FKTN: variants seen among roughly 807,000 people sequenced by gnomAD.
FKTN encodes fukutin.
Under a neutral mutation model 58.6 loss-of-function variants are expected in FKTN, and 47 were observed. The ratio of observed to expected loss-of-function variants is 0.80; its 90% CI spans 0.63 to 1.02. The LOEUF (loss-of-function observed/expected upper bound fraction) is 1.02. FKTN is among the 50% of genes least tolerant of loss of function. FKTN has a pLI of 0.00. For missense variants in FKTN, 516 were observed against 537.3 expected, an observed-to-expected ratio of 0.96 and a Z score of 0.39; for synonymous variants, 178 against 191.9, an observed-to-expected ratio of 0.93 and a Z score of 0.60.
chr9:105,614,687 G>A (rs886964474), intron 7 of FKTN, among the ~76,000 whole-genome samples: 9 of 152,130 alleles, frequency 5.9e-5, no homozygotes, highest in Non-Finnish European at 1.2e-4. Context: ...AAATTGTGAT[G>A]TAAAGGAGGG....
chr9:105,581,897 A>C (rs1355209749), intron 3 of FKTN, among the ~76,000 whole-genome samples: 1 of 152,180 alleles, frequency 6.6e-6, no homozygotes, highest in Non-Finnish European at 1.5e-5. Flanking sequence ...CGGTCTGAAA[A>C]GCGCAATATT....
chr9:105,582,860 G>A (rs368709977), intron 3 of FKTN, among the ~76,000 whole-genome samples: 22 of 152,236 alleles, frequency 1.4e-4, no homozygotes, highest in African/African-American at 4.6e-4. Context: ...AATAATAATG[G>A]CATCTGTTTC....
intron 1 of FKTN, among the ~76,000 whole-genome samples, chr9:105,560,377 T>TGA (rs1484187738): frequency 3.9e-5 from 6 of 152,232 alleles, no homozygotes; most frequent in Non-Finnish European, 7.3e-5. Flanking sequence ...GTGATACTGA[T>TGA]GTTCTTAGGA....
In FKTN at chr9:105,640,153, G is replaced by T. The variant is rs1174811547; in HGVS notation, c.*4889G>T. On this transcript the variant is annotated 3_prime_UTR_variant, in exon 11 of 11. Coordinates refer to ENST00000357998, the MANE Select transcript of FKTN (RefSeq NM_001079802.2). ...ATTTTAAGCTGCTTCACATCAGACT[G>T]AAATCCTAATTACAGTTCATAAGTG... 1 of 1,535,200 alleles carries T rather than the reference G, an allele frequency of 6.5e-7. No individual in the cohort carries two copies. The highest frequency in any genetic ancestry group is 1.4e-5 in the African/African-American group (1 of 73,002).
intron 3 of FKTN, among the ~76,000 whole-genome samples, chr9:105,584,427 A>G (rs954174657): frequency 6.6e-6 from 1 of 152,118 alleles, no homozygotes; most frequent in African/African-American, 2.4e-5. Flanking sequence ...TGTAAAGTTC[A>G]TTATTCATAC....
chr9:105,599,371 G>C (rs1305283514), intron 4 of FKTN, among the ~76,000 whole-genome samples: 1 of 149,412 alleles, frequency 6.7e-6, no homozygotes, highest in Non-Finnish European at 1.5e-5. Flanking sequence ...TCTTTTTTTA[G>C]TTACTGGAAT....
At position 105,588,298 on chromosome 9, in the gene FKTN, A is replaced by G. The variant is rs559772589; in HGVS notation, c.106-8300A>G. ...TGTTGGCATCTGATTCCATCTGTTTACTCATTTATTCATTTCCCGTAAATT... is the reference window on the plus strand; with the variant it reads ...TGTTGGCATCTGATTCCATCTGTTTGCTCATTTATTCATTTCCCGTAAATT... On this transcript the variant is annotated intron_variant, in intron 3 of 10. Transcript: ENST00000357998. Among the ~76,000 whole-genome samples the G allele has an allele frequency of 1.4e-4, 22 of 152,186 alleles. No homozygotes were observed. In the South Asian group the frequency reaches 4.4e-3, roughly 30 times the overall value.
In FKTN at chr9:105,636,398, T is replaced by C. The variant is rs1414292572; in HGVS notation, c.*1134T>C. ...AGCTAAATGGTGGACTTGACAACTATTCACCCTACCTCAGATCATAGAGTT... is the reference window on the plus strand; with the variant it reads ...AGCTAAATGGTGGACTTGACAACTACTCACCCTACCTCAGATCATAGAGTT... On this transcript the variant is annotated 3_prime_UTR_variant, in exon 11 of 11. Transcript: ENST00000357998. 2.0e-6 allele frequency: 2 copies of C among 986,538 alleles called. No homozygotes were observed. The highest frequency in any genetic ancestry group is 4.7e-5 in the South Asian group (1 of 21,406). 61.1% of individuals were successfully genotyped at this position (986,538 alleles called of 1,614,324 possible).
intron 10 of FKTN, chr9:105,623,020 G>A (rs1832230412): frequency 6.6e-6 from 1 of 151,914 alleles, no homozygotes. Context: ...TAAAAATATT[G>A]ACTGGATTCT....
At chr9:105,587,568 A>C (rs1844122867) in intron 3 of FKTN, among the ~76,000 whole-genome samples, 1 of 152,068 alleles carries the variant, frequency 6.6e-6, no homozygotes, top group African/African-American at 2.4e-5. Flanking sequence ...TTTCTGGAGG[A>C]AGAATATTAT....
chr9:105,624,407 T>A (rs1024057752), intron 10 of FKTN: 5 of 152,106 alleles, frequency 3.3e-5, no homozygotes, highest in African/African-American at 4.8e-5. Flanking sequence ...GTGAGAGAAC[T>A]GCTTGAGCAC....
intron 3 of FKTN, among the ~76,000 whole-genome samples, chr9:105,594,579 A>T (rs1036608570): frequency 2.0e-5 from 3 of 152,214 alleles, no homozygotes; most frequent in African/African-American, 7.2e-5. Context: ...ACCTGTCTTT[A>T]TGAAAAATAC....
At chr9:105,601,053 G>T in intron 4 of FKTN, 92 bp from the exon 5 acceptor site, 1 of 767,084 alleles carries the variant, frequency 1.3e-6, no homozygotes, top group Non-Finnish European at 2.2e-6. Context: ...TAACTACTCT[G>T]CATTCTTATA....
rs79393064 is a variant in FKTN at position 105,593,811 on chromosome 9, T to C, written c.106-2787T>C. Among the ~76,000 whole-genome samples the C allele has an allele frequency of 2.6e-5, 4 of 152,192 alleles. No individual in the cohort carries two copies. The East Asian group carries it at 5.8e-4, about 22-fold the overall frequency. On this transcript the variant is annotated intron_variant, in intron 3 of 10. Coordinates refer to ENST00000357998, the MANE Select transcript of FKTN (RefSeq NM_001079802.2). ...CTTGGTATATCAAATAAGATAAGTA[T>C]TGATAATTGACCGTTGGATTTAGCA...
intron 7 of FKTN, among the ~76,000 whole-genome samples, chr9:105,608,519 G>A (rs1276599019): frequency 1.3e-5 from 2 of 152,152 alleles, no homozygotes; most frequent in Non-Finnish European, 2.9e-5. Flanking sequence ...ATTTTGAAAG[G>A]CATGAAAGTT....
At chr9:105,616,274 T>C (rs995485813) in intron 8 of FKTN, among the ~76,000 whole-genome samples, 21 of 152,172 alleles carry the variant, frequency 1.4e-4, no homozygotes, top group Non-Finnish European at 1.8e-4. Flanking sequence ...TGTTATTGCC[T>C]TTTTTTATAA....
At chr9:105,592,572 G>A (rs898827238) in intron 3 of FKTN, among the ~76,000 whole-genome samples, 3 of 152,190 alleles carry the variant, frequency 2.0e-5, no homozygotes, top group Non-Finnish European at 2.9e-5. Flanking sequence ...GGATAGCAGA[G>A]GTTGCAGTGA....
At chr9:105,570,751 GA>G (rs1840598493) in intron 1 of FKTN, among the ~76,000 whole-genome samples, 1 of 152,140 alleles carries the variant, frequency 6.6e-6, no homozygotes, top group Non-Finnish European at 1.5e-5. Context: ...TTTGTTGCAG[GA>G]AGGTAAAACT....
In FKTN at chr9:105,585,459, A is replaced by G. The variant is rs190942963; in HGVS notation, c.105+10322A>G. On this transcript the variant is annotated intron_variant, in intron 3 of 10. Transcript: ENST00000357998. ...AAATATGTACATATGTAAAATAAAAATAGTAAGGATAGTTAGACTAATTAG... is the reference window on the plus strand; with the variant it reads ...AAATATGTACATATGTAAAATAAAAGTAGTAAGGATAGTTAGACTAATTAG... Among the ~76,000 whole-genome samples the G allele has an allele frequency of 1.4e-4, 22 of 152,310 alleles. No individual in the cohort carries two copies. In the East Asian group the frequency reaches 1.9e-3, roughly 13 times the overall value.
Sources: allele counts gnomAD v4.1 joint callset (sites outside exome capture counted in the v4.1 genomes callset), GRCh38; gene constraint gnomAD v4.1.1; transcripts MANE v1.5; gene names NCBI Gene and HGNC (gene_info 2026-07-23, HGNC 2026-07-21).